The following VPS9D1 variants were observed in gnomAD, a reference collection of about 807,000 sequenced individuals.
VPS9D1 encodes the protein VPS9 domain containing 1.
In VPS9D1, 78 loss-of-function variants were observed where a neutral mutation model predicts 75.8. The observed-to-expected ratio is 1.03, with a 90% CI of 0.86 to 1.24. The LOEUF (loss-of-function observed/expected upper bound fraction) is 1.24, where lower values mean the gene tolerates loss of function less well. VPS9D1 is among the 50% of genes most tolerant of loss of function. The pLI is 0.00. For missense variants in VPS9D1, 1,057 were observed against 847.7 expected (o/e 1.25, Z -3.07); for synonymous variants, 481 against 385.6 (o/e 1.25, Z -2.90).
At chr16:89,718,262 C>T in intron 2 of VPS9D1, 1 of 364,900 alleles carries the variant, frequency 2.7e-6, no homozygotes, top group Non-Finnish European at 5.5e-6. Context: ...TTTACTGCTC[C>T]CATCCTGGGT....
intron 12 of VPS9D1, 69 bp from the exon 13 acceptor site, chr16:89,709,025 G>GGGGGGGGCCCCCCCCCC: frequency 1.6e-6 from 1 of 627,182 alleles, no homozygotes; most frequent in Non-Finnish European, 2.0e-6. Context: ...CTTATACCCC[G>GGGGGGGGCCCCCCCCCC]CCCACCCACC....
At chr16:89,716,372 C>CAAA in intron 4 of VPS9D1, 90 bp downstream of exon 4, 1 of 1,437,784 alleles carries the variant, frequency 7.0e-7, no homozygotes, top group Non-Finnish European at 9.4e-7. Context: ...TCTCAAAAAA[C>CAAA]AAAAAAAAAA....
In VPS9D1 at chr16:89,710,878, G is replaced by A; in HGVS notation, c.966C>T (p.Ser322=). Residue 322 remains serine, a synonymous_variant, in exon 10 of 15, where the codon AGC becomes AGT. Coordinates refer to ENST00000389386, the MANE Select transcript of VPS9D1 (RefSeq NM_004913.3). ...GCCPPTPNPG[S]RRLRPSQSLH... is the part of the protein sequence containing the mutation. ...GGCTCTGCGAGGGCCGCAGCCGTCG[G>A]CTTCCGGGGTTGGGGGTCGGGGGGC... The A allele has an allele frequency of 6.7e-7, 1 of 1,501,958 alleles. No homozygotes were observed. The highest frequency in any genetic ancestry group is 8.9e-7 in the Non-Finnish European group (1 of 1,129,102). The allele number at this position is 1,501,958 out of a possible 1,614,324, so 93.0% of individuals were successfully genotyped here. A position where few individuals can be genotyped will look rare whatever the true frequency, so the allele number is the denominator to read the frequency against.
intron 4 of VPS9D1, among the ~76,000 whole-genome samples, chr16:89,713,865 G>A (rs1374983644): frequency 3.3e-5 from 5 of 151,926 alleles, no homozygotes; most frequent in Non-Finnish European, 5.9e-5. Flanking sequence ...AAAATTAGCC[G>A]GGTGTGGTGG....
intron 8 of VPS9D1, 184 bp downstream of exon 8, chr16:89,711,698 G>A (rs2060927974): frequency 5.1e-6 from 4 of 787,644 alleles, no homozygotes; most frequent in Non-Finnish European, 7.8e-6. Flanking sequence ...TCCTCGCTCT[G>A]CCCCGCCCCA....
chr16:89,712,146 C>T (rs757026721), intron 6 of VPS9D1, 47 bp from the exon 7 acceptor site: 2 of 1,547,270 alleles, frequency 1.3e-6, no homozygotes, highest in South Asian at 2.4e-5. Context: ...AGCGGGCCCT[C>T]GGTTCCCAAC....
At chr16:89,712,268 G>T (rs986218475) in intron 6 of VPS9D1, 169 bp from the exon 7 acceptor site, 1 of 1,322,000 alleles carries the variant, frequency 7.6e-7, no homozygotes, top group Non-Finnish European at 1.0e-6. Context: ...AGCCAGGAGG[G>T]CCGGGCCAGA....
rs569584495 is a variant in VPS9D1, at chr16:89,708,901, C to T, written c.1653G>A (p.Glu551=). ...VCAEDYCPTP[E]ATPQAGPPPI... ...GCGGGGGCCCGGCCTGGGGTGTGGC[C>T]TCTGGGGTGGGGCAGTAGTCTTCCG... is the stretch of plus-strand genomic sequence containing the variant. Residue 551 remains glutamate (E), a synonymous_variant, in exon 13 of 15, where the codon GAG becomes GAA. Coordinates refer to ENST00000389386, the MANE Select transcript of VPS9D1 (RefSeq NM_004913.3). The T allele has an allele frequency of 5.6e-5, 89 of 1,597,570 alleles. No individual in the cohort carries two copies. The African/African-American group carries it at 9.4e-4, about 17-fold the overall frequency.
At chr16:89,716,375 A>G in intron 4 of VPS9D1, 87 bp downstream of exon 4, 1 of 1,579,892 alleles carries the variant, frequency 6.3e-7, no homozygotes, top group Non-Finnish European at 8.6e-7. Flanking sequence ...CAAAAAACAA[A>G]AAAAAAATCG....
At chr16:89,718,145 T>C (rs1170497833) in intron 2 of VPS9D1, 3 of 440,790 alleles carry the variant, frequency 6.8e-6, no homozygotes, top group South Asian at 1.6e-5. Flanking sequence ...TCAAACTTAA[T>C]GTGTTCATTG....
intron 2 of VPS9D1, 42 bp from the exon 3 acceptor site, chr16:89,716,864 A>G: frequency 6.6e-7 from 1 of 1,514,310 alleles, no homozygotes; most frequent in Non-Finnish European, 8.9e-7. Context: ...CGGCTCTACC[A>G]CTGTTACTTA....
chr16:89,709,525 A>C (rs1299910873), intron 11 of VPS9D1, 90 bp from the exon 12 acceptor site: 1 of 1,397,102 alleles, frequency 7.2e-7, no homozygotes, highest in Non-Finnish European at 9.4e-7. Flanking sequence ...GTCCTGGAGA[A>C]AACTGGCTAT....
At chr16:89,719,806 C>T (rs571189531) in intron 1 of VPS9D1, among the ~76,000 whole-genome samples, 158 of 152,256 alleles carry the variant, frequency 1.0e-3, no homozygotes, top group African/African-American at 3.6e-3. Context: ...GCAACCTCCG[C>T]CTCCTGGGTT....
Position 89,709,389 on chromosome 16 carries a change from G to A in VPS9D1, c.1435C>T (p.Leu479Phe), listed in dbSNP as rs983475886. ...REAALSRSME[L>F]YRNAPPTAIG... Reference sequence around the variant, plus strand: ...GCGGTGGGGGGTGCATTCCTGTAGAGCTCCATGCTCCTGCTCAGGGCAGCC... The same window carrying A: ...GCGGTGGGGGGTGCATTCCTGTAGAACTCCATGCTCCTGCTCAGGGCAGCC... The change falls in exon 12 of 15, where the codon CTC becomes TTC. Residue 479 changes from leucine to phenylalanine, a missense_variant. Coordinates refer to ENST00000389386, the MANE Select transcript of VPS9D1 (RefSeq NM_004913.3). 9.7e-6 allele frequency: 15 copies of A among 1,544,334 alleles called. No individual in the cohort carries two copies. The African/African-American group carries it at 1.9e-4, about 20-fold the overall frequency.
chr16:89,709,160 A>T (rs1481950645), intron 12 of VPS9D1, 67 bp downstream of exon 12: 2 of 1,598,646 alleles, frequency 1.3e-6, no homozygotes, highest in Non-Finnish European at 1.7e-6. Flanking sequence ...AGTGGTGAAG[A>T]CACAGGCTCC....
chr16:89,716,573 G>A lies in VPS9D1; in HGVS notation c.320C>T (p.Pro107Leu), dbSNP rs374242192. The change falls in exon 4 of 15, where the codon CCT becomes CTT. Residue 107 changes from proline to leucine, a missense_variant. Physicochemically the swap from Pro to Leu is moderately conservative, Grantham distance 98. Transcript: ENST00000389386. Reference protein sequence around the residue: ...TMPAAAPIPQPAGRHRRVYSD... With the variant: ...TMPAAAPIPQLAGRHRRVYSD... ...GTATACACGGCGGTGTCGGCCGGCA[G>A]GCTGGGGAATGGGAGCAGCTGCAGG... The A allele has an allele frequency of 8.1e-6, 13 of 1,613,890 alleles. No individual in the cohort carries two copies. In the African/African-American group the frequency reaches 1.6e-4, roughly 20 times the overall value.
chr16:89,718,170 C>A, intron 2 of VPS9D1: 1 of 413,020 alleles, frequency 2.4e-6, no homozygotes, highest in South Asian at 1.7e-5. Flanking sequence ...ACTTGCTATT[C>A]CTCTCCTTGC....
In VPS9D1 at chr16:89,717,802, A is replaced by G. The variant is rs909361288; in HGVS notation, c.176-980T>C. On this transcript the variant is annotated intron_variant, in intron 2 of 14. Transcript: ENST00000389386. ...GCTCAGCCGAGCTCACCGGCTCCCT[A>G]GGGAGCTGGGGCAACTGTTAGCTCC... The G allele has an allele frequency of 6.6e-6, 3 of 456,498 alleles. No individual in the cohort carries two copies. The Admixed American group carries it at 7.0e-5, about 11-fold the overall frequency. 28.3% of individuals were successfully genotyped at this position (456,498 alleles called of 1,614,324 possible).
At chr16:89,711,284 G>A in intron 9 of VPS9D1, 43 bp downstream of exon 9, 1 of 1,563,816 alleles carries the variant, frequency 6.4e-7, no homozygotes, top group Non-Finnish European at 8.7e-7. Flanking sequence ...AGGTGCCCAA[G>A]GCCGGTGCGC....
Sources: gnomAD v4.1 joint callset for allele counts (sites outside exome capture counted in the v4.1 genomes callset) on GRCh38, gnomAD v4.1.1 for gene constraint, MANE v1.5 for transcripts, NCBI Gene and HGNC (gene_info 2026-07-23, HGNC 2026-07-21) for gene names.